Variants in RAB27B observed in about 807,000 individuals in gnomAD.
RAB27B encodes RAB27B, member RAS oncogene family, also known as ras-related protein Rab-27B.
A neutral mutation model predicts 24.6 loss-of-function variants in RAB27B; 15 were observed. The ratio of observed to expected loss-of-function variants is 0.61; its 90% CI spans 0.41 to 0.94. The LOEUF is 0.94. Among genes scored for constraint, RAB27B ranks in the 40% least tolerant of loss-of-function variants. The probability of loss-of-function intolerance (pLI) is 0.00; values close to 1 mark genes in which losing one functional copy is unlikely to be tolerated. For missense variants in RAB27B, 261 were observed against 266.8 expected, an observed-to-expected ratio of 0.98 and a Z score of 0.15; for synonymous variants, 105 against 92.5, an observed-to-expected ratio of 1.14 and a Z score of -0.78.
chr18:54,808,144 G>A (rs1909851454), intron 2 of RAB27B, among the ~76,000 whole-genome samples: 1 of 152,184 alleles, frequency 6.6e-6, no homozygotes, highest in Non-Finnish European at 1.5e-5. Flanking sequence ...TACTGCTTAA[G>A]ATTCTACATA....
intron 2 of RAB27B, among the ~76,000 whole-genome samples, chr18:54,729,806 A>T (rs1231231496): frequency 6.6e-6 from 1 of 152,224 alleles, no homozygotes; most frequent in Non-Finnish European, 1.5e-5. Flanking sequence ...GATTTAAAAA[A>T]ATAATCCACT....
At chr18:54,831,353 T>G in intron 1 of RAB27B, among the ~76,000 whole-genome samples, 3 of 148,020 alleles carry the variant, frequency 2.0e-5, no homozygotes, top group Admixed American at 1.4e-4. Context: ...ACAGAGGGAG[T>G]GAGATGGGGG....
intron 2 of RAB27B, among the ~76,000 whole-genome samples, chr18:54,785,719 G>A (rs1184169707): frequency 2.0e-5 from 3 of 152,126 alleles, no homozygotes; most frequent in Admixed American, 2.0e-4. Context: ...AACATGAAAG[G>A]TATTAAATAG....
chr18:54,720,128 G>A (rs1478873815), intron 2 of RAB27B, among the ~76,000 whole-genome samples: 1 of 152,076 alleles, frequency 6.6e-6, no homozygotes, highest in African/African-American at 2.4e-5. Context: ...AGTTGGCACA[G>A]TGCTTAGCAG....
chr18:54,739,552 C>CTTT (rs543711683), intron 2 of RAB27B, among the ~76,000 whole-genome samples: 10 of 134,976 alleles, frequency 7.4e-5, no homozygotes, highest in African/African-American at 2.7e-4. Context: ...TTTTTTCTTT[C>CTTT]TTTTTTTTTT....
intron 2 of RAB27B, among the ~76,000 whole-genome samples, chr18:54,771,986 C>T (rs1908566436): frequency 6.6e-6 from 1 of 152,142 alleles, no homozygotes; most frequent in Non-Finnish European, 1.5e-5. Context: ...CACATTTGAA[C>T]ACATTGACTC....
At chr18:54,867,098 A>G (rs1912260967) in intron 1 of RAB27B, among the ~76,000 whole-genome samples, 1 of 152,232 alleles carries the variant, frequency 6.6e-6, no homozygotes, top group African/African-American at 2.4e-5. Flanking sequence ...AGGAAAGAGC[A>G]GGAAGTGGGG....
chr18:54,766,862 G>T (rs572653485), intron 2 of RAB27B, among the ~76,000 whole-genome samples: 45 of 152,154 alleles, frequency 3.0e-4, no homozygotes, highest in Non-Finnish European at 3.8e-4. Flanking sequence ...TTAATGTGAG[G>T]TATGGAGCTA....
At chr18:54,855,974 C>T (rs1911768975) in intron 1 of RAB27B, among the ~76,000 whole-genome samples, 1 of 152,212 alleles carries the variant, frequency 6.6e-6, no homozygotes, top group African/African-American at 2.4e-5. Flanking sequence ...ATTTGTTGAA[C>T]ACTTATTTTG....
chr18:54,850,333 G>GACATATATATGTATATATATATAT (rs869079784), intron 1 of RAB27B, among the ~76,000 whole-genome samples: 2 of 95,154 alleles, frequency 2.1e-5, no homozygotes, highest in Non-Finnish European at 4.0e-5. Context: ...AAACAAACAG[G>GACATATATATGTATATATATATAT]ATATATATAT....
upstream of RAB27B, among the ~76,000 whole-genome samples, chr18:54,825,485 A>G (rs990051375): frequency 3.3e-5 from 5 of 151,946 alleles, no homozygotes; most frequent in African/African-American, 1.2e-4. Context: ...ATTTTTTTCC[A>G]TTTTTTGAAA....
At chr18:54,787,722 C>A (rs1909130844) in intron 2 of RAB27B, among the ~76,000 whole-genome samples, 1 of 149,130 alleles carries the variant, frequency 6.7e-6, no homozygotes, top group Non-Finnish European at 1.5e-5. Flanking sequence ...AAAACACTGA[C>A]TGGATTAAAA....
upstream of RAB27B, chr18:54,828,381 C>T (rs141822621): frequency 6.6e-6 from 1 of 152,374 alleles, no homozygotes; most frequent in East Asian, 1.9e-4. Context: ...CTCCGCACAT[C>T]CGCGTTGGGA....
At chr18:54,832,239 G>A (rs1910710459) in intron 1 of RAB27B, among the ~76,000 whole-genome samples, 2 of 152,074 alleles carry the variant, frequency 1.3e-5, no homozygotes, top group African/African-American at 4.8e-5. Context: ...GATAGATTCA[G>A]GAAACACTTG....
At chr18:54,876,049 C>T (rs1004700698) in intron 1 of RAB27B, among the ~76,000 whole-genome samples, 1 of 152,006 alleles carries the variant, frequency 6.6e-6, no homozygotes, top group African/African-American at 2.4e-5. Context: ...CACAGTTTAG[C>T]GTGGCTGGGG....
At chr18:54,877,536 A>G in intron 1 of RAB27B, 31 bp from the exon 2 acceptor site, 1 of 1,331,486 alleles carries the variant, frequency 7.5e-7, no homozygotes, top group Non-Finnish European at 9.8e-7. Context: ...AACTTTAATC[A>G]AAACATACTT....
At chr18:54,755,180 A>C (rs887606915) in intron 2 of RAB27B, among the ~76,000 whole-genome samples, 1 of 152,180 alleles carries the variant, frequency 6.6e-6, no homozygotes, top group Non-Finnish European at 1.5e-5. Flanking sequence ...ACCCGAGGTC[A>C]GGAGTTCAAG....
intron 2 of RAB27B, among the ~76,000 whole-genome samples, chr18:54,760,020 C>T (rs558420276): frequency 1.3e-5 from 2 of 152,284 alleles, no homozygotes; most frequent in South Asian, 2.1e-4. Context: ...ACTGTCAAAC[C>T]GAGCTGTTAA....
At chr18:54,812,006 C>A (rs1339836227) in intron 2 of RAB27B, among the ~76,000 whole-genome samples, 3 of 152,182 alleles carry the variant, frequency 2.0e-5, no homozygotes, top group Non-Finnish European at 4.4e-5. Context: ...ATCCATCACT[C>A]TCCTCCATGA....
Sources: gnomAD v4.1 joint callset for allele counts (sites outside exome capture counted in the v4.1 genomes callset) on GRCh38, gnomAD v4.1.1 for gene constraint, MANE v1.5 for transcripts, NCBI Gene and HGNC (gene_info 2026-07-23, HGNC 2026-07-21) for gene names.